The following ARMH3 variants were observed in gnomAD, a reference collection of about 807,000 sequenced individuals.
The protein encoded by ARMH3 is armadillo like helical domain containing 3, also known as armadillo-like helical domain-containing protein 3.
A neutral mutation model predicts 99.1 loss-of-function variants in ARMH3; 60 were observed. The ratio of observed to expected loss-of-function variants is 0.61; its 90% CI spans 0.49 to 0.75. ARMH3 has a LOEUF of 0.75. Among genes scored for constraint, ARMH3 ranks in the 30% least tolerant of loss-of-function variants. The pLI is 0.00. For synonymous variants in ARMH3, 285 were observed against 292.8 expected, an observed-to-expected ratio of 0.97 and a Z score of 0.27; for missense variants, 679 against 843.1, an observed-to-expected ratio of 0.81 and a Z score of 2.41.
intron 24 of ARMH3, among the ~76,000 whole-genome samples, chr10:101,882,932 A>G (rs1156359223): frequency 6.6e-6 from 1 of 152,214 alleles, no homozygotes; most frequent in African/African-American, 2.4e-5. Context: ...GGACATATGC[A>G]TATTTTCACA....
rs1050046948 is a variant in ARMH3 at position 102,036,702 on chromosome 10, C to T, written c.102+3311G>A. Among the ~76,000 whole-genome samples, 9 of 151,882 alleles carry T rather than the reference C, an allele frequency of 5.9e-5. 1 individual carries two copies. The highest frequency in any genetic ancestry group is 1.3e-4 in the Non-Finnish European group (9 of 67,968). ...AGGCTCGTTAAGAGTCATCACCACT[C>T]CCTAATCTCAAGTACCCAGGGACAC... is the stretch of plus-strand genomic sequence containing the variant. On this transcript the variant is annotated intron_variant, in intron 2 of 25. Transcript: ENST00000370033.
At chr10:102,044,721 C>A (rs1461814284) in intron 1 of ARMH3, among the ~76,000 whole-genome samples, 1 of 151,816 alleles carries the variant, frequency 6.6e-6, no homozygotes, top group African/African-American at 2.4e-5. Flanking sequence ...CACATTGAGG[C>A]AAACAAAAAC....
At chr10:101,876,959 G>A (rs2067281910) in intron 24 of ARMH3, among the ~76,000 whole-genome samples, 1 of 152,010 alleles carries the variant, frequency 6.6e-6, no homozygotes, top group African/African-American at 2.4e-5. Flanking sequence ...TGTAATCCCG[G>A]CATTTGGATA....
intron 21 of ARMH3, among the ~76,000 whole-genome samples, chr10:101,957,381 A>C (rs1481990304): frequency 2.6e-5 from 4 of 152,202 alleles, no homozygotes; most frequent in Non-Finnish European, 4.4e-5. Context: ...CTCAATTGGG[A>C]CCAAGGCTCA....
intron 10 of ARMH3, among the ~76,000 whole-genome samples, chr10:102,012,040 C>CAT (rs2066641342): frequency 6.6e-6 from 1 of 152,244 alleles, no homozygotes; most frequent in Admixed American, 6.5e-5. Flanking sequence ...AGTGCCCTAA[C>CAT]ATATAGCTGA....
chr10:101,985,074 T>TAA (rs766381815), intron 19 of ARMH3, among the ~76,000 whole-genome samples: 2 of 65,832 alleles, frequency 3.0e-5, no homozygotes, highest in Admixed American at 3.1e-4. Context: ...TCTAAAAATA[T>TAA]ATATACACAC....
At chr10:101,909,590 C>A (rs187317968) in intron 23 of ARMH3, among the ~76,000 whole-genome samples, 1 of 151,234 alleles carries the variant, frequency 6.6e-6, no homozygotes, top group Non-Finnish European at 1.5e-5. Flanking sequence ...CTATCTCAGC[C>A]GCCTGAGTAG....
chr10:101,954,207 CA>C (rs1418948619), intron 22 of ARMH3, among the ~76,000 whole-genome samples: 7 of 150,096 alleles, frequency 4.7e-5, no homozygotes, highest in Admixed American at 4.6e-4. Context: ...AGAACAAAAA[CA>C]AAAAAAAACC....
intron 24 of ARMH3, among the ~76,000 whole-genome samples, chr10:101,877,844 AAGCTG>A: frequency 6.6e-6 from 1 of 152,278 alleles, no homozygotes; most frequent in Admixed American, 6.5e-5. Flanking sequence ...GATGAATAAT[AAGCTG>A]AGCTCTTCTC....
intron 22 of ARMH3, among the ~76,000 whole-genome samples, chr10:101,945,758 T>A (rs192211840): frequency 6.7e-6 from 1 of 149,348 alleles, no homozygotes. Context: ...TTATAACCAA[T>A]CTCTGAGTGT....
At chr10:101,860,759 T>C (rs2066847662) in intron 24 of ARMH3, among the ~76,000 whole-genome samples, 1 of 152,150 alleles carries the variant, frequency 6.6e-6, no homozygotes, top group Non-Finnish European at 1.5e-5. Flanking sequence ...ACCTGTTGAA[T>C]ACCTAGGGCA....
intron 24 of ARMH3, among the ~76,000 whole-genome samples, chr10:101,855,838 T>C (rs1286088602): frequency 6.6e-6 from 1 of 151,092 alleles, no homozygotes; most frequent in Non-Finnish European, 1.5e-5. Flanking sequence ...CTTAGCTAGT[T>C]CATGGCCCTT....
At chr10:102,023,605 G>C (rs779116417) in intron 7 of ARMH3, 42 bp from the exon 8 acceptor site, 9 of 1,609,904 alleles carry the variant, frequency 5.6e-6, no homozygotes, top group Non-Finnish European at 6.8e-6. Flanking sequence ...CTAACTCCTG[G>C]TTCCTGAGAA....
At chr10:101,962,977 T>C (rs1168206495) in intron 20 of ARMH3, among the ~76,000 whole-genome samples, 1 of 150,304 alleles carries the variant, frequency 6.7e-6, no homozygotes, top group African/African-American at 2.4e-5. Context: ...TTTCTTTTTT[T>C]TTTTTTTTTT....
At chr10:101,878,614 G>A (rs1210222481) in intron 24 of ARMH3, among the ~76,000 whole-genome samples, 2 of 151,768 alleles carry the variant, frequency 1.3e-5, no homozygotes, top group Non-Finnish European at 2.9e-5. Flanking sequence ...ACTCCAGCCT[G>A]GGTGACTGAG....
chr10:102,010,408 G>C (rs2066605916), intron 11 of ARMH3, among the ~76,000 whole-genome samples: 1 of 152,158 alleles, frequency 6.6e-6, no homozygotes, highest in Non-Finnish European at 1.5e-5. Flanking sequence ...TTTGAAGTCA[G>C]AAACTAACTT....
At chr10:101,990,236 T>A (rs1024315110) in intron 19 of ARMH3, among the ~76,000 whole-genome samples, 1 of 148,052 alleles carries the variant, frequency 6.8e-6, no homozygotes, top group Non-Finnish European at 1.5e-5. Context: ...CAGGCTGGAG[T>A]GCAGTGGCAC....
chr10:102,028,958 A>G (rs1590206361), intron 5 of ARMH3, among the ~76,000 whole-genome samples: 1 of 151,944 alleles, frequency 6.6e-6, no homozygotes, highest in South Asian at 2.1e-4. Context: ...TGCAACCTCC[A>G]CCTCCCAGGT....
chr10:101,872,568 G>A (rs1440052644), intron 24 of ARMH3, among the ~76,000 whole-genome samples: 1 of 152,156 alleles, frequency 6.6e-6, no homozygotes, highest in South Asian at 2.1e-4. Context: ...GTGGTGGCAC[G>A]CACCTGTGGA....
Sources: gnomAD v4.1 joint callset for allele counts (sites outside exome capture counted in the v4.1 genomes callset) on GRCh38, gnomAD v4.1.1 for gene constraint, MANE v1.5 for transcripts, NCBI Gene and HGNC (gene_info 2026-07-23, HGNC 2026-07-21) for gene names.